DNAH14: variants seen among roughly 807,000 people sequenced by gnomAD.
The protein encoded by DNAH14 is dynein axonemal heavy chain 14, also known as axonemal beta dynein heavy chain 14.
In DNAH14, 478 loss-of-function variants were observed where a neutral mutation model predicts 520.9. The observed-to-expected ratio is 0.92, with a 90% CI of 0.85 to 0.99. DNAH14 has a LOEUF of 0.99. DNAH14 is among the 50% of genes least tolerant of loss of function. The pLI is 0.00. For synonymous variants in DNAH14, 1,581 were observed against 1,757.2 expected, an observed-to-expected ratio of 0.90 and a Z score of 2.51; for missense variants, 4,831 against 5,234.5, an observed-to-expected ratio of 0.92 and a Z score of 2.38.
rs1411602695 is a variant in DNAH14 at position 225,335,476 on chromosome 1, T to C, written c.10081-1790T>C. ...ATATGCACGTGTGTACATGTGTGTG[T>C]ATGCACATATACACGTGTGTACATG... On this transcript the variant is annotated intron_variant, in intron 66 of 85. Transcript: ENST00000682510. Among the ~76,000 whole-genome samples, 2 of 61,004 alleles carry C rather than the reference T, an allele frequency of 3.3e-5. 1 individual carries two copies. The highest frequency in any genetic ancestry group is 6.7e-5 in the Non-Finnish European group (2 of 29,908). 40.0% of individuals were successfully genotyped at this position (61,004 alleles called of 152,430 possible).
chr1:225,352,398 A>G (rs12040037), intron 72 of DNAH14, among the ~76,000 whole-genome samples: 34,886 of 151,970 alleles, frequency 0.23, 4,193 homozygotes, highest in African/African-American at 0.29. Context: ...TCACTTCCTG[A>G]TTTTTGCCAA....
chr1:224,984,062 C>CA (rs1309672131), intron 8 of DNAH14, among the ~76,000 whole-genome samples: 1 of 151,968 alleles, frequency 6.6e-6, no homozygotes, highest in East Asian at 1.9e-4. Flanking sequence ...CATATGGAAC[C>CA]AAAAAAGAGT....
Position 225,368,143 on chromosome 1 carries a change from G to C in DNAH14, c.12318+111G>C, listed in dbSNP as rs922945105. 3 of 980,772 alleles carry C rather than the reference G, an allele frequency of 3.1e-6. No homozygotes were observed. The East Asian group carries it at 7.9e-5, about 26-fold the overall frequency. 60.8% of individuals were successfully genotyped at this position (980,772 alleles called of 1,614,324 possible). A position where few individuals can be genotyped will look rare whatever the true frequency, so the allele number is the denominator to read the frequency against. On this transcript the variant is annotated intron_variant, in intron 77 of 85. Transcript: ENST00000682510. ...GTGTTTTACATGGTGGTAAGAAAAT[G>C]AACTCTATAACTAGGCAATAAGGGC...
intron 60 of DNAH14, among the ~76,000 whole-genome samples, chr1:225,312,946 T>C (rs907888924): frequency 1.3e-5 from 2 of 152,228 alleles, no homozygotes; most frequent in African/African-American, 4.8e-5. Flanking sequence ...ATCAGGATGA[T>C]GCTGGCCTCA....
intron 64 of DNAH14, among the ~76,000 whole-genome samples, chr1:225,326,546 C>T (rs1001735330): frequency 1.3e-5 from 2 of 152,020 alleles, no homozygotes; most frequent in Admixed American, 6.6e-5. Flanking sequence ...TACAGAAATA[C>T]GTCAACATTT....
intron 7 of DNAH14, 126 bp from the exon 8 acceptor site, chr1:224,973,965 A>G (rs1420995428): frequency 2.2e-6 from 1 of 457,964 alleles, no homozygotes; most frequent in Non-Finnish European, 3.5e-6. Context: ...CATTTCCTTT[A>G]GGTAACTCAG....
At chr1:225,072,316 T>G (rs867280759) in intron 17 of DNAH14, among the ~76,000 whole-genome samples, 1 of 152,232 alleles carries the variant, frequency 6.6e-6, no homozygotes, top group African/African-American at 2.4e-5. Flanking sequence ...TTTTCTCTGC[T>G]TGGTTTATTC....
intron 8 of DNAH14, 117 bp from the exon 9 acceptor site, chr1:225,002,666 G>A (rs2063853258): frequency 2.9e-5 from 28 of 960,480 alleles, no homozygotes; most frequent in Middle Eastern, 6.3e-4. Context: ...TTTAAAATGG[G>A]GTAGATGTAA....
chr1:225,235,246 A>G (rs771811199), intron 42 of DNAH14, among the ~76,000 whole-genome samples: 2 of 152,208 alleles, frequency 1.3e-5, no homozygotes, highest in Non-Finnish European at 2.9e-5. Flanking sequence ...AGTTTTAAAC[A>G]TGAAAGGATG....
At chr1:225,033,120 G>C (rs2066666055) in intron 11 of DNAH14, among the ~76,000 whole-genome samples, 1 of 152,036 alleles carries the variant, frequency 6.6e-6, no homozygotes, top group South Asian at 2.1e-4. Context: ...TGTTGCAATG[G>C]CTTTTTGTGT....
intron 17 of DNAH14, among the ~76,000 whole-genome samples, chr1:225,069,354 G>T (rs1190304419): frequency 6.6e-6 from 1 of 152,130 alleles, no homozygotes; most frequent in Non-Finnish European, 1.5e-5. Context: ...GTCAGAGATG[G>T]CTCTTATTAT....
chr1:225,251,233 G>A (rs118152316), intron 43 of DNAH14, among the ~76,000 whole-genome samples: 2,157 of 150,668 alleles, frequency 0.014, 46 homozygotes, highest in East Asian at 0.05. Context: ...TAGTGCAATA[G>A]CGTGATCTCA....
chr1:224,960,094 A>G, intron 3 of DNAH14, 59 bp from the exon 4 acceptor site: 1 of 1,445,278 alleles, frequency 6.9e-7, no homozygotes, highest in Non-Finnish European at 9.2e-7. Flanking sequence ...ATGTGGAATT[A>G]CTATGGTATT....
chr1:225,204,077 G>A lies in DNAH14; in HGVS notation c.5887-106G>A, dbSNP rs990300242. ...GGTCTTTTCAGTTACAGAACCCTCT[G>A]CCTTTTATATTTTTATCACTCAAGA... On this transcript the variant is annotated intron_variant, in intron 38 of 85. Coordinates refer to ENST00000682510, the MANE Select transcript of DNAH14 (RefSeq NM_001367479.1). 1.0e-5 allele frequency: 6 copies of A among 572,138 alleles called. No individual in the cohort carries two copies. In the African/African-American group the frequency reaches 1.2e-4, roughly 11 times the overall value. The allele number at this position is 572,138 out of a possible 1,614,324, so 35.4% of individuals were successfully genotyped here.
At position 225,303,257 on chromosome 1, in the gene DNAH14, G is replaced by A. The variant is rs571160178; in HGVS notation, c.8733G>A (p.Thr2911=). 15 of 1,551,504 alleles carry A rather than the reference G, an allele frequency of 9.7e-6. No individual in the cohort carries two copies. Among genetic ancestry groups the A allele is most frequent in the South Asian group, 9.5e-5 (8 of 84,012 alleles). ...ATCCTTCTATGATTAGCTCCTGCAC[G>A]ATCGATTGGTATGAGAGGTGGCCAG... ...RVYPSMISSC[T]IDWYERWPEE... is the part of the protein sequence containing the mutation. The change falls in exon 57 of 86, where the codon ACG becomes ACA. Residue 2911 remains threonine, a synonymous_variant. Transcript: ENST00000682510.
At chr1:225,079,653 A>T in intron 18 of DNAH14, 105 bp downstream of exon 18, 1 of 741,612 alleles carries the variant, frequency 1.3e-6, no homozygotes, top group Non-Finnish European at 2.1e-6. Flanking sequence ...TTTTGGCTAA[A>T]TAGTTTAATA....
At chr1:225,270,603 C>G (rs2093286743) in intron 49 of DNAH14, 132 bp from the exon 50 acceptor site, 1 of 690,794 alleles carries the variant, frequency 1.4e-6, no homozygotes, top group Admixed American at 3.8e-5. Flanking sequence ...TTTGTTTTTG[C>G]AATAAATAGT....
chr1:224,969,552 A>G (rs1171182219), intron 7 of DNAH14: 1 of 180,458 alleles, frequency 5.5e-6, no homozygotes, highest in Non-Finnish European at 1.2e-5. Context: ...GTAGATCATA[A>G]TAAAATTCCT....
At chr1:225,128,878 T>A (rs1237594578) in intron 27 of DNAH14, among the ~76,000 whole-genome samples, 1 of 150,320 alleles carries the variant, frequency 6.7e-6, no homozygotes, top group Non-Finnish European at 1.5e-5. Context: ...AGTCAAATTG[T>A]CCCTGTTTGC....
Sources: allele counts gnomAD v4.1 joint callset (sites outside exome capture counted in the v4.1 genomes callset), GRCh38; gene constraint gnomAD v4.1.1; transcripts MANE v1.5; gene names NCBI Gene and HGNC (gene_info 2026-07-23, HGNC 2026-07-21).